The following PINK1 variants were observed in gnomAD, a reference collection of about 807,000 sequenced individuals.
PINK1 encodes PTEN induced kinase 1, also known as serine/threonine-protein kinase PINK1, mitochondrial.
A neutral mutation model predicts 56.0 loss-of-function variants in PINK1; 58 were observed. That is an observed-to-expected ratio of 1.04 (90% confidence interval 0.84 to 1.29). The LOEUF (loss-of-function observed/expected upper bound fraction) is 1.29. Among genes scored for constraint, PINK1 ranks in the 50% most tolerant of loss-of-function variants. The pLI is 0.00. For synonymous variants in PINK1, 354 were observed against 339.3 expected (o/e 1.04, Z -0.48); for missense variants, 745 against 777.9 (o/e 0.96, Z 0.50).
chr1:20,637,373 T>C (rs1442472446), intron 1 of PINK1, among the ~76,000 whole-genome samples: 1 of 152,210 alleles, frequency 6.6e-6, no homozygotes, highest in Non-Finnish European at 1.5e-5. Flanking sequence ...AAGACAGTAC[T>C]GAATCCCTCT....
At position 20,637,974 on chromosome 1, in the gene PINK1, A is replaced by G. The variant is rs761290240; in HGVS notation, c.520A>G (p.Thr174Ala). 1 of 1,614,154 alleles carries G rather than the reference A, an allele frequency of 6.2e-7. No homozygotes were observed. The highest frequency in any genetic ancestry group is 8.5e-7 in the Non-Finnish European group (1 of 1,180,024). ...CTGCAGTGCTGCTGTGTATGAAGCC[A>G]CCATGCCTACATTGCCCCAGAACCT... ...KGCSAAVYEATMPTLPQNLEV... is the reference protein window; with the variant it reads ...KGCSAAVYEAAMPTLPQNLEV... Residue 174 changes from threonine (T) to alanine (A), a missense_variant, in exon 2 of 8, where the codon ACC (threonine) becomes GCC (alanine). Physicochemically the swap from Thr to Ala is moderately conservative, Grantham distance 58. Transcript: ENST00000321556.
At chr1:20,635,149 G>A (rs1442563572) in intron 1 of PINK1, among the ~76,000 whole-genome samples, 1 of 152,074 alleles carries the variant, frequency 6.6e-6, no homozygotes, top group Admixed American at 6.6e-5. Flanking sequence ...CACCTTCTTC[G>A]CACACTTCAC....
chr1:20,650,580 A>C lies in PINK1; in HGVS notation c.1635A>C (p.Thr545=). Residue 545 remains threonine (T), a synonymous_variant, in exon 8 of 8, where the codon ACA becomes ACC. Coordinates refer to ENST00000321556, the MANE Select transcript of PINK1 (RefSeq NM_032409.3). ...CCACTTTGTTGGCCAACAGGCTCAC[A>C]GAGAAGTGTTGTGTGGAAACAAAAA... ...SAATLLANRL[T]EKCCVETKMK... is the part of the protein sequence containing the mutation. The C allele has an allele frequency of 6.2e-7, 1 of 1,614,238 alleles. No homozygotes were observed. Among genetic ancestry groups the C allele is most frequent in the Admixed American group, 1.7e-5 (1 of 60,032 alleles).
chr1:20,636,786 G>A (rs2053060750), intron 1 of PINK1, among the ~76,000 whole-genome samples: 1 of 152,226 alleles, frequency 6.6e-6, no homozygotes, highest in Non-Finnish European at 1.5e-5. Flanking sequence ...AGGAGCTTGA[G>A]TTGGGCTTGA....
At position 20,651,323 on chromosome 1, in the gene PINK1, C is replaced by T. The variant is rs950417953; in HGVS notation, c.*632C>T. Reference sequence around the variant, plus strand: ...AATGCAAATTTACAACTGCAGATGACGTATGTGCCTTGAACTGAATATTTG... The same window carrying T: ...AATGCAAATTTACAACTGCAGATGATGTATGTGCCTTGAACTGAATATTTG... On this transcript the variant is annotated 3_prime_UTR_variant, in exon 8 of 8. Coordinates refer to ENST00000321556, the MANE Select transcript of PINK1 (RefSeq NM_032409.3). 12 of 161,318 alleles carry T rather than the reference C, an allele frequency of 7.4e-5. No homozygotes were observed. The highest frequency in any genetic ancestry group is 4.0e-4 in the Admixed American group (7 of 17,454). 10.0% of individuals were successfully genotyped at this position (161,318 alleles called of 1,614,324 possible).
intron 6 of PINK1, 177 bp downstream of exon 6, chr1:20,648,809 A>G (rs2154533993): frequency 7.7e-7 from 1 of 1,300,916 alleles, no homozygotes; most frequent in Non-Finnish European, 1.1e-6. Context: ...GTTCCAGGAG[A>G]ATGCAAGTCC....
At chr1:20,640,073 T>A in intron 3 of PINK1, 81 bp downstream of exon 3, 1 of 1,144,736 alleles carries the variant, frequency 8.7e-7, no homozygotes, top group Non-Finnish European at 1.3e-6. Flanking sequence ...CAGCACCTGG[T>A]ACAGTGTCTG....
intron 1 of PINK1, among the ~76,000 whole-genome samples, chr1:20,636,811 T>G (rs930737445): frequency 6.6e-6 from 1 of 152,080 alleles, no homozygotes; most frequent in African/African-American, 2.4e-5. Context: ...TGAGCAGGGA[T>G]GAGCCAGACA....
intron 1 of PINK1, among the ~76,000 whole-genome samples, chr1:20,635,740 T>C (rs1273468159): frequency 6.6e-6 from 1 of 151,146 alleles, no homozygotes; most frequent in Non-Finnish European, 1.5e-5. Flanking sequence ...TCCCAGCTAC[T>C]CGGGAGGCTG....
chr1:20,644,883 C>G (rs2053159162), intron 4 of PINK1, among the ~76,000 whole-genome samples: 1 of 152,196 alleles, frequency 6.6e-6, no homozygotes, highest in South Asian at 2.1e-4. Flanking sequence ...TCATCTTCAT[C>G]CAGAACATAC....
chr1:20,650,910 T>G lies in PINK1; in HGVS notation c.*219T>G. The G allele has an allele frequency of 1.6e-6, 1 of 625,424 alleles. No homozygotes were observed. Among genetic ancestry groups the G allele is most frequent in the South Asian group, 1.9e-5 (1 of 53,194 alleles). 38.7% of individuals were successfully genotyped at this position (625,424 alleles called of 1,614,324 possible). A position where few individuals can be genotyped will look rare whatever the true frequency, so the allele number is the denominator to read the frequency against. On this transcript the variant is annotated 3_prime_UTR_variant, in exon 8 of 8. Coordinates refer to ENST00000321556, the MANE Select transcript of PINK1 (RefSeq NM_032409.3). ...TCTGAAAAGTGAATGGCCAAGCTGGTCTAGTAGATGAGGCTGGACTGAGGA... is the reference window on the plus strand; with the variant it reads ...TCTGAAAAGTGAATGGCCAAGCTGGGCTAGTAGATGAGGCTGGACTGAGGA...
At chr1:20,637,013 G>A (rs886482027) in intron 1 of PINK1, among the ~76,000 whole-genome samples, 2 of 152,230 alleles carry the variant, frequency 1.3e-5, no homozygotes, top group African/African-American at 4.8e-5. Flanking sequence ...TCAGAGCAGG[G>A]AAGGCACGGC....
At chr1:20,646,135 C>T (rs1004770400) in intron 5 of PINK1, among the ~76,000 whole-genome samples, 13 of 151,372 alleles carry the variant, frequency 8.6e-5, no homozygotes, top group African/African-American at 1.5e-4. Context: ...TTAAATTAGC[C>T]GGAAAAAAAG....
chr1:20,634,005 G>C (rs2053026083), intron 1 of PINK1, 70 bp downstream of exon 1: 1 of 1,502,488 alleles, frequency 6.7e-7, no homozygotes, highest in Admixed American at 2.0e-5. Context: ...TCAGCTGGGT[G>C]GGGGCGGGGC....
intron 5 of PINK1, 26 bp from the exon 6 acceptor site, chr1:20,648,479 T>C (rs372556867): frequency 2.5e-6 from 4 of 1,613,726 alleles, no homozygotes; most frequent in Non-Finnish European, 3.4e-6. Context: ...GGAGGAGAAA[T>C]GGTCACTTTG....
intron 5 of PINK1, among the ~76,000 whole-genome samples, chr1:20,646,137 GA>G (rs2053178744): frequency 6.6e-6 from 1 of 151,524 alleles, no homozygotes; most frequent in East Asian, 1.9e-4. Context: ...AAATTAGCCG[GA>G]AAAAAAGTTA....
chr1:20,637,392 G>A (rs2053067251), intron 1 of PINK1, among the ~76,000 whole-genome samples: 1 of 152,312 alleles, frequency 6.6e-6, no homozygotes, highest in East Asian at 1.9e-4. Flanking sequence ...CTGCTCTGGG[G>A]ATGCGCCTGA....
chr1:20,640,452 G>A (rs2053104865), intron 3 of PINK1, among the ~76,000 whole-genome samples: 1 of 152,190 alleles, frequency 6.6e-6, no homozygotes, highest in Admixed American at 6.5e-5. Flanking sequence ...GCAGCAGAGA[G>A]CCCAGGGTGT....
intron 3 of PINK1, chr1:20,643,162 T>C (rs1570402976): frequency 6.6e-6 from 1 of 152,292 alleles, no homozygotes; most frequent in East Asian, 1.9e-4. Context: ...AGAATCTACT[T>C]CCCTCCCTTC....
Sources: allele counts gnomAD v4.1 joint callset (sites outside exome capture counted in the v4.1 genomes callset), GRCh38; gene constraint gnomAD v4.1.1; transcripts MANE v1.5; gene names NCBI Gene and HGNC (gene_info 2026-07-23, HGNC 2026-07-21).